Variants in B3GNT2 observed in about 807,000 individuals in gnomAD.
The protein encoded by B3GNT2 is UDP-GlcNAc:betaGal beta-1,3-N-acetylglucosaminyltransferase 2.
B3GNT2 carries 12 observed loss-of-function variants against 27.6 expected under a neutral mutation model. That is an observed-to-expected ratio of 0.44 (90% CI 0.28 to 0.71). The LOEUF (loss-of-function observed/expected upper bound fraction) is 0.71, where lower values mean the gene tolerates loss of function less well. B3GNT2 is among the 30% of genes least tolerant of loss of function. The probability of loss-of-function intolerance (pLI) is 0.17; values close to 1 mark genes in which losing one functional copy is unlikely to be tolerated. For missense variants in B3GNT2, 413 were observed against 488.5 expected (o/e 0.85, Z 1.46); for synonymous variants, 192 against 189.7 (o/e 1.01, Z -0.10).
At chr2:62,219,970 G>C (rs1674655988) in intron 1 of B3GNT2, among the ~76,000 whole-genome samples, 1 of 152,218 alleles carries the variant, frequency 6.6e-6, no homozygotes, top group African/African-American at 2.4e-5. Context: ...ACCAATCTTA[G>C]TTTCTATAAT....
chr2:62,212,058 G>C (rs1674490528), intron 1 of B3GNT2, among the ~76,000 whole-genome samples: 1 of 152,186 alleles, frequency 6.6e-6, no homozygotes, highest in South Asian at 2.1e-4. Context: ...TTTAAGTATT[G>C]CCTTCCTGCT....
chr2:62,196,963 C>G (rs1011319545), intron 1 of B3GNT2, among the ~76,000 whole-genome samples: 1 of 152,216 alleles, frequency 6.6e-6, no homozygotes, highest in Non-Finnish European at 1.5e-5. Context: ...ACCTCTGCCA[C>G]TTCTGTCTCC....
In B3GNT2 at chr2:62,197,229, T is replaced by TC. The variant is rs897082475; in HGVS notation, c.-10+876dup. Among the ~76,000 whole-genome samples the TC allele has an allele frequency of 2.4e-4, 37 of 152,128 alleles. 1 individual carries two copies. Among genetic ancestry groups the TC allele is most frequent in the African/African-American group, 8.9e-4 (37 of 41,500 alleles). ...CTGCGGGCGCGGGACTGGCGGCTAC[T>TC]CCAGCACGGCAGGCGGACCCTTCTG... On this transcript the variant is annotated intron_variant, in intron 1 of 1. Transcript: ENST00000301998.
chr2:62,209,442 A>G (rs1233320788), intron 1 of B3GNT2, among the ~76,000 whole-genome samples: 1 of 152,128 alleles, frequency 6.6e-6, no homozygotes, highest in Non-Finnish European at 1.5e-5. Flanking sequence ...TTGGGTCACA[A>G]TCTATGTATG....
chr2:62,197,465 G>T (rs138930899), intron 1 of B3GNT2, among the ~76,000 whole-genome samples: 1 of 152,186 alleles, frequency 6.6e-6, no homozygotes, highest in Non-Finnish European at 1.5e-5. Context: ...AAAACGTAGG[G>T]GTGGTTAGTT....
rs1033327025 is a variant in B3GNT2 at position 62,223,136 on chromosome 2, G to A, written c.916G>A (p.Gly306Arg). The A allele has an allele frequency of 6.2e-7, 1 of 1,614,078 alleles. No homozygotes were observed. The highest frequency in any genetic ancestry group is 1.3e-5 in the African/African-American group (1 of 74,924). ...YSGLYPPYAG[G>R]GGFLYSGHLA... ...TGGCCTCTACCCACCCTATGCAGGG[G>A]GAGGGGGGTTCCTCTACTCCGGCCA... The change falls in exon 2 of 2, where the codon GGA becomes AGA. Residue 306 changes from glycine (G) to arginine (R), a missense_variant. Gly to Arg is a moderately radical substitution (Grantham distance 125). Transcript: ENST00000301998.
intron 1 of B3GNT2, among the ~76,000 whole-genome samples, chr2:62,217,095 C>T (rs974460637): frequency 1.3e-5 from 2 of 152,226 alleles, no homozygotes; most frequent in African/African-American, 2.4e-5. Flanking sequence ...TAAGATAGTA[C>T]ACTGCCTCCC....
chr2:62,222,176 A>C lies in B3GNT2; in HGVS notation c.-9-36A>C, dbSNP rs749304745. The C allele has an allele frequency of 1.5e-5, 22 of 1,504,166 alleles. No individual in the cohort carries two copies. The highest frequency in any genetic ancestry group is 6.6e-5 in the South Asian group (5 of 75,484). 93.2% of individuals were successfully genotyped at this position (1,504,166 alleles called of 1,614,324 possible). A position where few individuals can be genotyped will look rare whatever the true frequency, so the allele number is the denominator to read the frequency against. On this transcript the variant is annotated intron_variant, in intron 1 of 1. Transcript: ENST00000301998. This position sits in a 1 kb window ranked among gnomAD's most constrained non-coding sequence, Gnocchi z 4.2. ...ATTGTATGTGCAAATGCAAATTGAT[A>C]AGTAATTGATACAATACTCCACCCC...
intron 1 of B3GNT2, among the ~76,000 whole-genome samples, chr2:62,202,391 G>A (rs1333226278): frequency 6.6e-6 from 1 of 152,222 alleles, no homozygotes; most frequent in Non-Finnish European, 1.5e-5. Flanking sequence ...ACAACAGAAA[G>A]GCTCATAGAG....
intron 1 of B3GNT2, among the ~76,000 whole-genome samples, chr2:62,217,281 G>A (rs1055581012): frequency 2.6e-5 from 4 of 152,126 alleles, no homozygotes; most frequent in Non-Finnish European, 4.4e-5. Context: ...TTGAAAACTC[G>A]CACTCTGGAG....
At chr2:62,205,008 A>T (rs148332113) in intron 1 of B3GNT2, among the ~76,000 whole-genome samples, 1 of 152,326 alleles carries the variant, frequency 6.6e-6, no homozygotes, top group African/African-American at 2.4e-5. Context: ...GGCAGCCATC[A>T]ATTTAGAGAT....
chr2:62,219,174 C>T (rs1674633403), intron 1 of B3GNT2, among the ~76,000 whole-genome samples: 1 of 152,202 alleles, frequency 6.6e-6, no homozygotes. Context: ...TGGAAGTTCA[C>T]AGCCTCCTAT....
rs766246368 is a variant in B3GNT2, at chr2:62,212,562, C to T, written c.-9-9650C>T. ...TCCCTGTGTGTGCCCCTCCTTCCTTCTGTCTGCTTGACTGTCTACACCCAG... is the reference window on the plus strand; with the variant it reads ...TCCCTGTGTGTGCCCCTCCTTCCTTTTGTCTGCTTGACTGTCTACACCCAG... On this transcript the variant is annotated intron_variant, in intron 1 of 1. Coordinates refer to ENST00000301998, the MANE Select transcript of B3GNT2 (RefSeq NM_006577.6). Among the ~76,000 whole-genome samples, 40 of 151,840 alleles carry T rather than the reference C, an allele frequency of 2.6e-4. 1 individual carries two copies. Among genetic ancestry groups the T allele is most frequent in the Non-Finnish European group, 4.0e-4 (27 of 67,976 alleles).
chr2:62,214,401 T>C lies in B3GNT2; in HGVS notation c.-9-7811T>C, dbSNP rs373285566. On this transcript the variant is annotated intron_variant, in intron 1 of 1. Transcript: ENST00000301998. Reference sequence around the variant, plus strand: ...TAGAAGCACCTGGCTCCTGGCTGAATGCGCAGAGCAGGAAGCAACTCAAGG... The same window carrying C: ...TAGAAGCACCTGGCTCCTGGCTGAACGCGCAGAGCAGGAAGCAACTCAAGG... 3.9e-5 allele frequency among the ~76,000 whole-genome samples: 6 copies of C among 152,252 alleles called. No individual in the cohort carries two copies. In the East Asian group the frequency reaches 1.2e-3, roughly 29 times the overall value.
intron 1 of B3GNT2, among the ~76,000 whole-genome samples, chr2:62,207,680 G>A (rs763318040): frequency 6.6e-6 from 1 of 152,168 alleles, no homozygotes; most frequent in Non-Finnish European, 1.5e-5. Flanking sequence ...TGCATGCGCA[G>A]TTCACAAAGG....
intron 1 of B3GNT2, among the ~76,000 whole-genome samples, chr2:62,211,362 C>G (rs908608543): frequency 6.7e-6 from 1 of 150,192 alleles, no homozygotes; most frequent in South Asian, 2.1e-4. Flanking sequence ...TCCCCCCCGT[C>G]CCCCCCAAAA....
chr2:62,198,377 C>T (rs1179359119), intron 1 of B3GNT2, among the ~76,000 whole-genome samples: 2 of 152,194 alleles, frequency 1.3e-5, no homozygotes. Flanking sequence ...AAACTCCTAG[C>T]ACTGCACCAG....
At chr2:62,217,650 A>G (rs961487996) in intron 1 of B3GNT2, among the ~76,000 whole-genome samples, 1 of 152,210 alleles carries the variant, frequency 6.6e-6, no homozygotes, top group East Asian at 1.9e-4. Flanking sequence ...GGAACCCCGC[A>G]TGGGGCTGTG....
intron 1 of B3GNT2, chr2:62,221,770 T>G (rs1674698833): frequency 2.0e-6 from 1 of 500,864 alleles, no homozygotes; most frequent in South Asian, 1.5e-5. Flanking sequence ...CTAAACACAG[T>G]ATAAAAATGT....
Sources: gnomAD v4.1 joint callset for allele counts (sites outside exome capture counted in the v4.1 genomes callset) on GRCh38, gnomAD v4.1.1 for gene constraint, Gnocchi (gnomAD v3.1) non-coding constraint, MANE v1.5 for transcripts, NCBI Gene and HGNC (gene_info 2026-07-23, HGNC 2026-07-21) for gene names.